SOX6: variants seen among roughly 807,000 people sequenced by gnomAD.
The protein encoded by SOX6 is transcription factor SOX-6.
A neutral mutation model predicts 97.8 loss-of-function variants in SOX6; 11 were observed. The observed-to-expected ratio is 0.11, with a 90% confidence interval of 0.07 to 0.19. SOX6 has a LOEUF of 0.19. SOX6 is among the 10% of genes least tolerant of loss of function. SOX6 has a pLI of 1.00. For synonymous variants in SOX6, 360 were observed against 371.4 expected (o/e 0.97, Z 0.35); for missense variants, 810 against 1,039.5 (o/e 0.78, Z 3.04).
chr11:16,639,913 C>A (rs1479036873), intron 3 of SOX6, among the ~76,000 whole-genome samples: 1 of 152,056 alleles, frequency 6.6e-6, no homozygotes, highest in Non-Finnish European at 1.5e-5. Flanking sequence ...CCTTCTCCTG[C>A]CTGATTGCCC....
chr11:16,221,297 G>A (rs541207855), intron 4 of SOX6, among the ~76,000 whole-genome samples: 17 of 152,094 alleles, frequency 1.1e-4, no homozygotes, highest in African/African-American at 3.9e-4. Context: ...TCATACACTT[G>A]TAATAAAACA....
intron 1 of SOX6, among the ~76,000 whole-genome samples, chr11:16,352,548 G>C (rs1856977373): frequency 6.6e-6 from 1 of 152,084 alleles, no homozygotes; most frequent in Admixed American, 6.6e-5. Context: ...AGTAAATACA[G>C]AGGGCAAAAT....
chr11:16,706,227 G>A (rs1848130928), intron 3 of SOX6, among the ~76,000 whole-genome samples: 1 of 150,068 alleles, frequency 6.7e-6, no homozygotes, highest in Non-Finnish European at 1.5e-5. Flanking sequence ...ATCACTTGAG[G>A]CCTCCAGTTT....
At chr11:16,527,298 T>C (rs957761189) in intron 4 of SOX6, among the ~76,000 whole-genome samples, 1 of 152,146 alleles carries the variant, frequency 6.6e-6, no homozygotes, top group Admixed American at 6.6e-5. Flanking sequence ...TTTAACTATT[T>C]CTTTACTCTT....
At chr11:16,721,803 T>G (rs1848269209) in intron 2 of SOX6, among the ~76,000 whole-genome samples, 1 of 151,206 alleles carries the variant, frequency 6.6e-6, no homozygotes, top group Non-Finnish European at 1.5e-5. Flanking sequence ...TTTTAGGGAG[T>G]TCTTTATAGC....
At chr11:16,339,700 C>T (rs147114529) in intron 2 of SOX6, among the ~76,000 whole-genome samples, 10 of 152,098 alleles carry the variant, frequency 6.6e-5, no homozygotes, top group African/African-American at 2.4e-4. Context: ...CTTTGTTCAC[C>T]ACTATATAGT....
upstream of SOX6, among the ~76,000 whole-genome samples, chr11:16,357,661 A>G (rs1857109429): frequency 6.6e-6 from 1 of 152,186 alleles, no homozygotes; most frequent in Non-Finnish European, 1.5e-5. Flanking sequence ...TGCTACACCC[A>G]GCTAAAGTGA....
At chr11:16,620,223 T>G (rs1437115947) in intron 3 of SOX6, among the ~76,000 whole-genome samples, 1 of 152,192 alleles carries the variant, frequency 6.6e-6, no homozygotes, top group Non-Finnish European at 1.5e-5. Context: ...ATCTCTTAAG[T>G]CTAAATTTTA....
At chr11:16,588,487 C>A (rs768843949) in intron 4 of SOX6, among the ~76,000 whole-genome samples, 13 of 152,158 alleles carry the variant, frequency 8.5e-5, no homozygotes, top group Non-Finnish European at 1.6e-4. Context: ...CTAAGTGCTG[C>A]CTTACTGTCC....
intron 1 of SOX6, among the ~76,000 whole-genome samples, chr11:16,410,310 T>G (rs1303358788): frequency 6.6e-6 from 1 of 152,100 alleles, no homozygotes; most frequent in Non-Finnish European, 1.5e-5. Flanking sequence ...CCAAAAGACA[T>G]AAGACACACC....
chr11:16,007,051 G>T (rs1854576554), intron 13 of SOX6, among the ~76,000 whole-genome samples: 1 of 151,830 alleles, frequency 6.6e-6, no homozygotes, highest in Non-Finnish European at 1.5e-5. Context: ...AACCAAACAA[G>T]AAGAGGAATC....
chr11:16,262,343 T>C (rs746694806), intron 3 of SOX6, among the ~76,000 whole-genome samples: 2 of 152,016 alleles, frequency 1.3e-5, no homozygotes, highest in African/African-American at 2.4e-5. Flanking sequence ...TAGTAAAATA[T>C]ATAAACACAG....
chr11:16,051,725 C>T (rs1231172604), intron 10 of SOX6, among the ~76,000 whole-genome samples: 1 of 152,056 alleles, frequency 6.6e-6, no homozygotes, highest in Non-Finnish European at 1.5e-5. Context: ...TTGGGGCTCA[C>T]TGAGCTTCTA....
At chr11:16,362,525 T>C (rs1452877935) in intron 1 of SOX6, among the ~76,000 whole-genome samples, 2 of 151,414 alleles carry the variant, frequency 1.3e-5, no homozygotes, top group Non-Finnish European at 1.5e-5. Context: ...AAATGGAAAA[T>C]AAAGCAATTT....
intron 4 of SOX6, among the ~76,000 whole-genome samples, chr11:16,188,166 G>A (rs1215852175): frequency 1.4e-5 from 2 of 144,742 alleles, no homozygotes; most frequent in Non-Finnish European, 3.0e-5. Context: ...AGGTAGGACT[G>A]ACATCAACAG....
intron 6 of SOX6, among the ~76,000 whole-genome samples, chr11:16,164,249 G>T (rs768360219): frequency 1.3e-5 from 2 of 152,084 alleles, no homozygotes; most frequent in Non-Finnish European, 2.9e-5. Context: ...GATTACAGGG[G>T]TGAGCCACCA....
In SOX6 at chr11:16,250,970, A is replaced by T. The variant is rs1853492195; in HGVS notation, c.446-16299T>A. On this transcript the variant is annotated intron_variant, in intron 3 of 15. Transcript: ENST00000683767. ...AAAACCATAGAGTGTATGGCCTTTT[A>T]TCACAATGGAATCAAAACAGAATTC... 2.0e-5 allele frequency among the ~76,000 whole-genome samples: 3 copies of T among 152,144 alleles called. No homozygotes were observed. In the South Asian group the frequency reaches 6.2e-4, roughly 31 times the overall value.
intron 4 of SOX6, among the ~76,000 whole-genome samples, chr11:16,190,087 T>C (rs1420677930): frequency 6.6e-6 from 1 of 152,200 alleles, no homozygotes; most frequent in Non-Finnish European, 1.5e-5. Flanking sequence ...CCAAAAGATT[T>C]ATAAATGCAT....
At chr11:16,191,822 T>A (rs950514086) in intron 4 of SOX6, among the ~76,000 whole-genome samples, 2 of 151,926 alleles carry the variant, frequency 1.3e-5, no homozygotes, top group African/African-American at 4.8e-5. Flanking sequence ...GTTCTCCAAC[T>A]CCAAAGACAG....
Sources: gnomAD v4.1 joint callset for allele counts (sites outside exome capture counted in the v4.1 genomes callset) on GRCh38, gnomAD v4.1.1 for gene constraint, MANE v1.5 for transcripts, NCBI Gene and HGNC (gene_info 2026-07-23, HGNC 2026-07-21) for gene names.